The following NXPE2 variants were observed in gnomAD, a reference collection of about 807,000 sequenced individuals.
The protein encoded by NXPE2 is neurexophilin and PC-esterase domain family member 2, also known as NXPE family member 2.
In NXPE2, 34 loss-of-function variants were observed where a neutral mutation model predicts 34.4. The observed-to-expected ratio is 0.99, with a 90% CI of 0.75 to 1.31. The LOEUF is 1.31. Among genes scored for constraint, NXPE2 ranks in the 40% most tolerant of loss-of-function variants. The probability of loss-of-function intolerance (pLI) is 0.00; values close to 1 mark genes in which losing one functional copy is unlikely to be tolerated. For missense variants in NXPE2, 649 were observed against 672.5 expected, an observed-to-expected ratio of 0.97 and a Z score of 0.39; for synonymous variants, 235 against 231.3, an observed-to-expected ratio of 1.02 and a Z score of -0.15.
the NXPE2 span, among the ~76,000 whole-genome samples, chr11:114,468,000 G>A: frequency 6.6e-6 from 1 of 151,948 alleles, no homozygotes; most frequent in East Asian, 1.9e-4. Flanking sequence ...AAGAAATTAT[G>A]GGAGAGCCTG....
the NXPE2 span, among the ~76,000 whole-genome samples, chr11:114,723,063 C>T: frequency 4.6e-5 from 7 of 152,146 alleles, no homozygotes; most frequent in Non-Finnish European, 1.0e-4. Flanking sequence ...TGGTTACATA[C>T]ATATGTGGTA....
the NXPE2 span, among the ~76,000 whole-genome samples, chr11:114,760,853 C>T: frequency 6.6e-6 from 1 of 152,182 alleles, no homozygotes. Context: ...CTTTCCACAT[C>T]CCTCCTCTAA....
chr11:114,603,269 G>A, the NXPE2 span, among the ~76,000 whole-genome samples: 1 of 150,962 alleles, frequency 6.6e-6, no homozygotes, highest in Non-Finnish European at 1.5e-5. Flanking sequence ...CTATTTCCTG[G>A]TGGATGATAA....
the NXPE2 span, among the ~76,000 whole-genome samples, chr11:114,669,932 A>G: frequency 6.6e-6 from 1 of 152,000 alleles, no homozygotes; most frequent in Non-Finnish European, 1.5e-5. Context: ...AATTCAAAAC[A>G]TTGCAACCTC....
At chr11:114,550,918 A>T in the NXPE2 span, among the ~76,000 whole-genome samples, 1 of 152,124 alleles carries the variant, frequency 6.6e-6, no homozygotes, top group Non-Finnish European at 1.5e-5. Flanking sequence ...GATGAATGGG[A>T]AATGAAGAAA....
At chr11:114,760,649 A>G in the NXPE2 span, among the ~76,000 whole-genome samples, 28 of 152,204 alleles carry the variant, frequency 1.8e-4, no homozygotes, top group African/African-American at 6.8e-4. Flanking sequence ...TTCAGTTCCA[A>G]CAAAGGATTC....
the NXPE2 span, among the ~76,000 whole-genome samples, chr11:114,731,077 CTAG>C: frequency 6.6e-6 from 1 of 151,992 alleles, no homozygotes; most frequent in Non-Finnish European, 1.5e-5. Flanking sequence ...TCTTCAATTC[CTAG>C]TTTGATGAGT....
intron 2 of NXPE2, among the ~76,000 whole-genome samples, chr11:114,693,781 A>C (rs1951197934): frequency 6.6e-6 from 1 of 152,204 alleles, no homozygotes; most frequent in Non-Finnish European, 1.5e-5. Context: ...ATCAGGCAAA[A>C]CCCTGAGCTA....
chr11:114,749,956 T>C, the NXPE2 span, among the ~76,000 whole-genome samples: 74 of 152,254 alleles, frequency 4.9e-4, no homozygotes, highest in African/African-American at 1.5e-3. Context: ...ATGTAGACTC[T>C]CTTCTCTCCT....
chr11:114,658,228 T>C, the NXPE2 span, among the ~76,000 whole-genome samples: 1 of 152,102 alleles, frequency 6.6e-6, no homozygotes, highest in Non-Finnish European at 1.5e-5. Context: ...AGAACACAAA[T>C]ACTGACTCAC....
chr11:114,785,305 G>A, the NXPE2 span, among the ~76,000 whole-genome samples: 2 of 152,180 alleles, frequency 1.3e-5, no homozygotes, highest in South Asian at 4.2e-4. Flanking sequence ...GAGGCCCAGA[G>A]GTCATGAGGC....
At chr11:114,570,282 G>A in the NXPE2 span, among the ~76,000 whole-genome samples, 6 of 152,124 alleles carry the variant, frequency 3.9e-5, no homozygotes, top group African/African-American at 1.4e-4. Context: ...GTGAGCCACT[G>A]CACCCAACCC....
At chr11:114,493,058 C>T in the NXPE2 span, among the ~76,000 whole-genome samples, 1 of 151,672 alleles carries the variant, frequency 6.6e-6, no homozygotes, top group African/African-American at 2.4e-5. Context: ...TATATAATGC[C>T]CTTCTTTGTC....
chr11:114,586,372 A>G, the NXPE2 span, among the ~76,000 whole-genome samples: 1 of 152,200 alleles, frequency 6.6e-6, no homozygotes, highest in African/African-American at 2.4e-5. Flanking sequence ...AGGAAGATTC[A>G]TAGAAGGGGG....
chr11:114,794,288 C>T, the NXPE2 span, among the ~76,000 whole-genome samples: 1 of 152,114 alleles, frequency 6.6e-6, no homozygotes, highest in African/African-American at 2.4e-5. Context: ...CTTCTTGGCT[C>T]TCATTCTAGA....
At chr11:114,716,476 C>T in the NXPE2 span, among the ~76,000 whole-genome samples, 2 of 152,204 alleles carry the variant, frequency 1.3e-5, no homozygotes, top group African/African-American at 2.4e-5. Context: ...TCCTCCCTTA[C>T]TCATCTCTGT....
chr11:114,559,625 T>C, the NXPE2 span, among the ~76,000 whole-genome samples: 8 of 152,260 alleles, frequency 5.3e-5, no homozygotes, highest in African/African-American at 1.9e-4. Flanking sequence ...TTTTTTTGTT[T>C]CCCACACTTT....
the NXPE2 span, among the ~76,000 whole-genome samples, chr11:114,771,864 A>C: frequency 1.6e-3 from 241 of 152,334 alleles, 1 homozygote; most frequent in African/African-American, 5.6e-3. Flanking sequence ...AGAGTTCTCC[A>C]TTTATCTGGT....
At chr11:114,741,594 T>C in the NXPE2 span, among the ~76,000 whole-genome samples, 4 of 152,176 alleles carry the variant, frequency 2.6e-5, no homozygotes, top group East Asian at 1.9e-4. Flanking sequence ...AAGTCTACCA[T>C]TGACTCCCTC....
Sources: allele counts gnomAD v4.1 joint callset (sites outside exome capture counted in the v4.1 genomes callset), GRCh38; gene constraint gnomAD v4.1.1; transcripts MANE v1.5; gene names NCBI Gene and HGNC (gene_info 2026-07-23, HGNC 2026-07-21).